Variants in ARHGAP29 observed in about 807,000 individuals in gnomAD.
ARHGAP29 encodes the protein Rho GTPase activating protein 29.
A neutral mutation model predicts 122.6 loss-of-function variants in ARHGAP29; 43 were observed. The ratio of observed to expected loss-of-function variants is 0.35; its 90% CI spans 0.27 to 0.45. The LOEUF is 0.45. Among genes scored for constraint, ARHGAP29 ranks in the 20% least tolerant of loss-of-function variants. The pLI is 1.00. For synonymous variants in ARHGAP29, 506 were observed against 497.1 expected, an observed-to-expected ratio of 1.02 and a Z score of -0.24; for missense variants, 1,303 against 1,477.2, an observed-to-expected ratio of 0.88 and a Z score of 1.93.
At chr1:94,180,856 G>C (rs146822416) in intron 19 of ARHGAP29, among the ~76,000 whole-genome samples, 3 of 152,098 alleles carry the variant, frequency 2.0e-5, no homozygotes, top group African/African-American at 4.8e-5. Context: ...GATAGTATTG[G>C]ACCCTATTCA....
intron 3 of ARHGAP29, among the ~76,000 whole-genome samples, chr1:94,219,668 A>G (rs1207564613): frequency 6.6e-6 from 1 of 152,108 alleles, no homozygotes; most frequent in Admixed American, 6.5e-5. Context: ...TCCTTCTTTT[A>G]TATACTGCAA....
the ARHGAP29 span, among the ~76,000 whole-genome samples, chr1:94,295,095 G>A: frequency 6.6e-6 from 1 of 152,170 alleles, no homozygotes; most frequent in Admixed American, 6.5e-5. Context: ...GTATTACTAG[G>A]GGAAAGGGAG....
chr1:94,248,086 G>A (rs925880693), intron 1 of ARHGAP29: 2 of 152,260 alleles, frequency 1.3e-5, no homozygotes, highest in African/African-American at 2.4e-5. Context: ...TGTTCAACTT[G>A]TTTTGTCGGC....
chr1:94,292,355 A>G, the ARHGAP29 span, among the ~76,000 whole-genome samples: 1 of 152,160 alleles, frequency 6.6e-6, no homozygotes, highest in Non-Finnish European at 1.5e-5. Context: ...CCATTCGTCT[A>G]ACCTTTTTTC....
At position 94,189,365 on chromosome 1, in the gene ARHGAP29, CAAT is replaced by C. The variant is rs556804201; in HGVS notation, c.1440-16_1440-14del. 1,951 of 1,596,912 alleles carry C rather than the reference CAAT, an allele frequency of 1.2e-3. 12 individuals are homozygous for C. In the African/African-American group the frequency reaches 0.019, roughly 16 times the overall value. On this transcript the variant is annotated splice_polypyrimidine_tract_variant and intron_variant, in intron 13 of 22. Coordinates refer to ENST00000260526, the MANE Select transcript of ARHGAP29 (RefSeq NM_004815.4). ...TTTATTTACATTTCTGAAACAACAA[CAAT>C]GACAAAAAACAAAACTCAACACTCC...
Position 94,174,195 on chromosome 1 carries a change from C to T in ARHGAP29, c.3460G>A (p.Ala1154Thr), listed in dbSNP as rs765362990. The change falls in exon 23 of 23, where the codon GCA (alanine) becomes ACA (threonine). Residue 1154 changes from alanine (A) to threonine (T), a missense_variant. Transcript: ENST00000260526. ...SDSYPLAPVR[A>T]PRTLQPQHWT... ...TGTTGAGGCTGCAGTGTTCTGGGTGCTCTGACAGGAGCGAGAGGGTAGGAA... is the reference window on the plus strand; with the variant it reads ...TGTTGAGGCTGCAGTGTTCTGGGTGTTCTGACAGGAGCGAGAGGGTAGGAA... 6.2e-7 allele frequency: 1 copy of T among 1,614,202 alleles called. No individual in the cohort carries two copies. The highest frequency in any genetic ancestry group is 1.1e-5 in the South Asian group (1 of 91,088).
intron 12 of ARHGAP29, among the ~76,000 whole-genome samples, chr1:94,196,191 T>C (rs1275096983): frequency 6.6e-6 from 1 of 151,734 alleles, no homozygotes; most frequent in Non-Finnish European, 1.5e-5. Context: ...CAAGTGTACA[T>C]GTGGAAAATT....
At chr1:94,193,222 T>C (rs1469015483) in intron 12 of ARHGAP29, 1 of 151,980 alleles carries the variant, frequency 6.6e-6, no homozygotes, top group African/African-American at 2.4e-5. Context: ...GACTGTGAAC[T>C]TGAAGACAGA....
At chr1:94,255,587 G>T (rs1654312670) in intron 1 of ARHGAP29, among the ~76,000 whole-genome samples, 1 of 152,298 alleles carries the variant, frequency 6.6e-6, no homozygotes, top group South Asian at 2.1e-4. Flanking sequence ...GTTAAGTGCG[G>T]CATTTCTTCC....
At chr1:94,208,483 A>C (rs1651361771) in intron 5 of ARHGAP29, among the ~76,000 whole-genome samples, 1 of 151,560 alleles carries the variant, frequency 6.6e-6, no homozygotes, top group East Asian at 1.9e-4. Flanking sequence ...TTTTGGAGAC[A>C]GAGTCTCACT....
At chr1:94,210,725 T>G (rs1651537887) in intron 3 of ARHGAP29, among the ~76,000 whole-genome samples, 1 of 152,108 alleles carries the variant, frequency 6.6e-6, no homozygotes, top group Admixed American at 6.5e-5. Flanking sequence ...CTGAAACAAC[T>G]AAAAGACACT....
At chr1:94,225,241 G>A (rs1208069527) in intron 2 of ARHGAP29, among the ~76,000 whole-genome samples, 2 of 152,104 alleles carry the variant, frequency 1.3e-5, no homozygotes, top group African/African-American at 2.4e-5. Flanking sequence ...GATTTAGATA[G>A]AGAAACCTGG....
At chr1:94,246,284 C>T (rs577750355) in intron 1 of ARHGAP29, among the ~76,000 whole-genome samples, 1 of 152,140 alleles carries the variant, frequency 6.6e-6, no homozygotes. Flanking sequence ...CAGAAAGGGA[C>T]CTAATCTCCA....
the ARHGAP29 span, among the ~76,000 whole-genome samples, chr1:94,289,761 T>C: frequency 6.6e-6 from 1 of 152,238 alleles, no homozygotes; most frequent in South Asian, 2.1e-4. Flanking sequence ...ATGTGGTTTT[T>C]GTGGTTGGTT....
In ARHGAP29 at chr1:94,203,924, A is replaced by G; in HGVS notation, c.762+6T>C. 6.2e-7 allele frequency: 1 copy of G among 1,613,458 alleles called. No homozygotes were observed. Among genetic ancestry groups the G allele is most frequent in the Non-Finnish European group, 8.5e-7 (1 of 1,179,546 alleles). ...ATAGAACCCCCGAAGTTCACAGAAC[A>G]CTTACCTGAATTCCAATGTTAGTTC... On this transcript the variant is annotated splice_donor_region_variant and intron_variant, in intron 8 of 22. Coordinates refer to ENST00000260526, the MANE Select transcript of ARHGAP29 (RefSeq NM_004815.4).
the ARHGAP29 span, among the ~76,000 whole-genome samples, chr1:94,299,328 AC>A: frequency 6.6e-6 from 1 of 152,176 alleles, no homozygotes; most frequent in African/African-American, 2.4e-5. Flanking sequence ...TTTTAGTGTT[AC>A]TTGTACTCTT....
In ARHGAP29 at chr1:94,185,007, A is replaced by G. The variant is rs1364240427; in HGVS notation, c.1974T>C (p.Gly658=). ...KCLENLVIIC[G]HQKLPGKIHL... Reference sequence around the variant, plus strand: ...GTATTTTTCCTGGAAGTTTCTGATGACCACAAATAATGACTAAATTTTCCA... The same window carrying G: ...GTATTTTTCCTGGAAGTTTCTGATGGCCACAAATAATGACTAAATTTTCCA... Residue 658 remains glycine (G), a synonymous_variant, in exon 18 of 23, where the codon GGT becomes GGC. Transcript: ENST00000260526. The G allele has an allele frequency of 6.2e-7, 1 of 1,612,490 alleles. No individual in the cohort carries two copies. Among genetic ancestry groups the G allele is most frequent in the Non-Finnish European group, 8.5e-7 (1 of 1,179,588 alleles).
At chr1:94,303,629 C>T in the ARHGAP29 span, among the ~76,000 whole-genome samples, 1 of 152,170 alleles carries the variant, frequency 6.6e-6, no homozygotes, top group African/African-American at 2.4e-5. Context: ...AATGAGACCA[C>T]AGATGTAAAG....
At chr1:94,253,479 T>C (rs1334440469) in intron 1 of ARHGAP29, among the ~76,000 whole-genome samples, 2 of 152,228 alleles carry the variant, frequency 1.3e-5, no homozygotes, top group East Asian at 3.8e-4. Context: ...CATGTTTAAA[T>C]ATGAAATTTG....
Sources: gnomAD v4.1 joint callset for allele counts (sites outside exome capture counted in the v4.1 genomes callset) on GRCh38, gnomAD v4.1.1 for gene constraint, MANE v1.5 for transcripts, NCBI Gene and HGNC (gene_info 2026-07-23, HGNC 2026-07-21) for gene names.